The following TJP1 variants were observed in gnomAD, a reference collection of about 807,000 sequenced individuals.
The protein encoded by TJP1 is tight junction protein 1.
In TJP1, 43 loss-of-function variants were observed where a neutral mutation model predicts 194.2. The observed-to-expected ratio is 0.22, with a 90% CI of 0.17 to 0.29. The LOEUF is 0.29. Among genes scored for constraint, TJP1 ranks in the 10% least tolerant of loss-of-function variants. The pLI is 1.00. For missense variants in TJP1, 1,971 were observed against 2,185.7 expected, an observed-to-expected ratio of 0.90 and a Z score of 1.96; for synonymous variants, 801 against 779.0, an observed-to-expected ratio of 1.03 and a Z score of -0.47.
In TJP1 at chr15:29,719,471, G is replaced by A. The variant is rs191348254; in HGVS notation, c.3003+306C>T. 9.3e-4 allele frequency among the ~76,000 whole-genome samples: 142 copies of A among 152,186 alleles called. 1 individual carries two copies. The Middle Eastern group carries it at 0.024, about 26-fold the overall frequency. On this transcript the variant is annotated intron_variant, in intron 20 of 27. Coordinates refer to ENST00000614355, the MANE Select transcript of TJP1 (RefSeq NM_001330239.4). ...AGAAGATTTATGGGCATCATAATTT[G>A]TATTAACATAAATATGTTTATGATG...
chr15:29,723,278 G>A (rs2043042400), intron 18 of TJP1, among the ~76,000 whole-genome samples: 1 of 152,132 alleles, frequency 6.6e-6, no homozygotes, highest in Non-Finnish European at 1.5e-5. Flanking sequence ...GTGGGGCCTG[G>A]TAGGAGGTGA....
chr15:29,771,059 A>T lies in TJP1; in HGVS notation c.312+1005T>A, dbSNP rs193092206. Among the ~76,000 whole-genome samples, 257 of 152,128 alleles carry T rather than the reference A, an allele frequency of 1.7e-3. 1 individual carries two copies. Among genetic ancestry groups the T allele is most frequent in the Non-Finnish European group, 2.8e-3 (189 of 68,000 alleles). On this transcript the variant is annotated intron_variant, in intron 4 of 27. Transcript: ENST00000614355. ...AGTAAGTGCACTAAACAGGCATATA[A>T]TTTTTTTATCCACTATATATTTTTA...
At chr15:29,842,313 A>T (rs785454) in intron 2 of TJP1, among the ~76,000 whole-genome samples, 117,294 of 152,144 alleles carry the variant, frequency 0.77, 45,343 homozygotes, top group East Asian at 0.93. Context: ...TACATTTAAG[A>T]AAGATTAATA....
chr15:29,705,616 T>C lies in TJP1; in HGVS notation c.4980A>G (p.Gln1660=), dbSNP rs1198951630. ...IETGVSIIIP[Q]GAIPEGVEQE... ...GCTCAACTCCTTCGGGAATGGCTCCTTGAGGGATAATTATACTAACACCAG... is the reference window on the plus strand; with the variant it reads ...GCTCAACTCCTTCGGGAATGGCTCCCTGAGGGATAATTATACTAACACCAG... The change falls in exon 26 of 28, where the codon CAA becomes CAG. Residue 1660 remains glutamine, a synonymous_variant. Transcript: ENST00000614355. 1.1e-5 allele frequency: 17 copies of C among 1,614,246 alleles called. No individual in the cohort carries two copies. Among genetic ancestry groups the C allele is most frequent in the Non-Finnish European group, 1.4e-5 (16 of 1,180,046 alleles).
chr15:29,947,901 T>G (rs2055338186), intron 2 of TJP1, among the ~76,000 whole-genome samples: 1 of 152,138 alleles, frequency 6.6e-6, no homozygotes, highest in Admixed American at 6.5e-5. Context: ...AGCACAGCTG[T>G]GCCAACCCTG....
intron 23 of TJP1, 59 bp from the exon 24 acceptor site, chr15:29,711,059 G>C (rs988837123): frequency 6.8e-7 from 1 of 1,475,888 alleles, no homozygotes; most frequent in African/African-American, 1.4e-5. Flanking sequence ...TACAAAACAA[G>C]TTCTCATTTC....
At chr15:29,947,645 G>A (rs1422732858) in intron 2 of TJP1, among the ~76,000 whole-genome samples, 1 of 152,158 alleles carries the variant, frequency 6.6e-6, no homozygotes, top group Non-Finnish European at 1.5e-5. Flanking sequence ...GCAATGTGAT[G>A]CAATTCTTGC....
At chr15:29,949,415 T>C (rs56651659) in intron 2 of TJP1, among the ~76,000 whole-genome samples, 3 of 109,274 alleles carry the variant, frequency 2.7e-5, no homozygotes, top group Admixed American at 1.0e-4. Context: ...AACCACCACC[T>C]CTACCTCCAC....
intron 2 of TJP1, among the ~76,000 whole-genome samples, chr15:29,884,320 A>G (rs142071593): frequency 1.2e-3 from 180 of 152,308 alleles, no homozygotes; most frequent in African/African-American, 4.1e-3. Flanking sequence ...TCTTGGGGGT[A>G]TATTGAATGT....
intron 2 of TJP1, among the ~76,000 whole-genome samples, chr15:29,850,972 T>C (rs1270380203): frequency 1.3e-5 from 2 of 151,992 alleles, no homozygotes; most frequent in African/African-American, 2.4e-5. Flanking sequence ...ACGCTGTCTC[T>C]ACTAAAAATA....
intron 2 of TJP1, among the ~76,000 whole-genome samples, chr15:29,786,417 A>G (rs1028669299): frequency 6.6e-6 from 1 of 152,110 alleles, no homozygotes; most frequent in Non-Finnish European, 1.5e-5. Context: ...CCTTTATTTT[A>G]TTTACTTTAT....
intron 2 of TJP1, among the ~76,000 whole-genome samples, chr15:29,833,806 T>G (rs1262914071): frequency 7.0e-6 from 1 of 142,800 alleles, no homozygotes; most frequent in Non-Finnish European, 1.5e-5. Context: ...ACATGCTAAT[T>G]TATCCAACCT....
At chr15:29,945,801 G>GCA (rs150588063) in intron 2 of TJP1, among the ~76,000 whole-genome samples, 13 of 142,596 alleles carry the variant, frequency 9.1e-5, no homozygotes, top group African/African-American at 2.4e-4. Flanking sequence ...ACACACACAC[G>GCA]CACACACACA....
intron 1 of TJP1, among the ~76,000 whole-genome samples, chr15:29,817,406 T>C (rs184191798): frequency 6.6e-6 from 1 of 152,154 alleles, no homozygotes; most frequent in South Asian, 2.1e-4. Flanking sequence ...AGTTCAACCA[T>C]TGTGGAAGAT....
intron 1 of TJP1, among the ~76,000 whole-genome samples, chr15:29,962,173 A>G (rs2056187281): frequency 6.6e-6 from 1 of 152,046 alleles, no homozygotes; most frequent in Non-Finnish European, 1.5e-5. Flanking sequence ...GTGCAGCACA[A>G]CTTCTTGACA....
At chr15:29,878,074 C>A (rs562711002) in intron 2 of TJP1, among the ~76,000 whole-genome samples, 1 of 149,622 alleles carries the variant, frequency 6.7e-6, no homozygotes, top group South Asian at 2.2e-4. Flanking sequence ...TTTTTTGAGA[C>A]GGAGTCTTGC....
rs574849833 is a variant in TJP1, at chr15:29,869,932, G to A, written c.307-69230C>T. 9.5e-5 allele frequency among the ~76,000 whole-genome samples: 14 copies of A among 147,212 alleles called. No individual in the cohort carries two copies. In the East Asian group the frequency reaches 2.1e-3, roughly 22 times the overall value. On this transcript the variant is annotated intron_variant, in intron 2 of 28. Transcript: ENST00000356107. ...AGTGATTCTCCTGCCTCAGCCTCCCGAGTAGGTGGGATTATAAGTGCCCAC... is the reference window on the plus strand; with the variant it reads ...AGTGATTCTCCTGCCTCAGCCTCCCAAGTAGGTGGGATTATAAGTGCCCAC...
At position 29,701,135 on chromosome 15, in the gene TJP1, A is replaced by G. The variant is rs900031477; in HGVS notation, c.*460T>C. On this transcript the variant is annotated 3_prime_UTR_variant, in exon 28 of 28. Transcript: ENST00000614355. ...CTGTTAAATCCACAACACTGGTTAT[A>G]TATTCCAGGTGCATTTAAAAAATGT... The G allele has an allele frequency of 1.5e-4, 23 of 155,758 alleles. No individual in the cohort carries two copies. The allele number at this position is 155,758 out of a possible 1,614,324, so 9.6% of individuals were successfully genotyped here.
chr15:29,785,542 T>G (rs2047645597), intron 2 of TJP1, among the ~76,000 whole-genome samples: 1 of 152,210 alleles, frequency 6.6e-6, no homozygotes, highest in African/African-American at 2.4e-5. Context: ...AATAACTGCT[T>G]AATTTATTCT....
Sources: gnomAD v4.1 joint callset for allele counts (sites outside exome capture counted in the v4.1 genomes callset) on GRCh38, gnomAD v4.1.1 for gene constraint, MANE v1.5 for transcripts, NCBI Gene and HGNC (gene_info 2026-07-23, HGNC 2026-07-21) for gene names.